The following RAB1A variants were observed in gnomAD, a reference collection of about 807,000 sequenced individuals.
The protein encoded by RAB1A is ras-related protein Rab-1A.
A neutral mutation model predicts 26.0 loss-of-function variants in RAB1A; 2 were observed. The observed-to-expected ratio is 0.08, with a 90% CI of 0.03 to 0.24. The LOEUF is 0.24. Among genes scored for constraint, RAB1A ranks in the 10% least tolerant of loss-of-function variants. RAB1A has a pLI of 1.00. For synonymous variants in RAB1A, 84 were observed against 84.9 expected, an observed-to-expected ratio of 0.99 and a Z score of 0.06; for missense variants, 100 against 247.0, an observed-to-expected ratio of 0.40 and a Z score of 3.99.
At chr2:65,111,009 A>C (rs1391716528) in intron 1 of RAB1A, among the ~76,000 whole-genome samples, 3 of 152,172 alleles carry the variant, frequency 2.0e-5, no homozygotes, top group South Asian at 2.1e-4. Context: ...ATAAATGCTA[A>C]ATTAATGGAT....
At chr2:65,125,544 C>T (rs1372838723) in intron 1 of RAB1A, among the ~76,000 whole-genome samples, 1 of 149,506 alleles carries the variant, frequency 6.7e-6, no homozygotes, top group Non-Finnish European at 1.5e-5. Flanking sequence ...GCCTCAGGTT[C>T]CTGAGTAGCT....
chr2:65,107,118 T>C (rs892139011), intron 1 of RAB1A, among the ~76,000 whole-genome samples: 5 of 151,676 alleles, frequency 3.3e-5, no homozygotes, highest in Non-Finnish European at 7.4e-5. Context: ...CAGGCTGGAG[T>C]GCAGTGAAGC....
intron 1 of RAB1A, among the ~76,000 whole-genome samples, chr2:65,119,671 G>C (rs1340635160): frequency 6.6e-6 from 1 of 151,302 alleles, no homozygotes; most frequent in Non-Finnish European, 1.5e-5. Context: ...AGAAAAGTGT[G>C]ATTCACTGCT....
At chr2:65,105,273 G>A (rs920234420) in intron 1 of RAB1A, 1 of 206,554 alleles carries the variant, frequency 4.8e-6, no homozygotes, top group Non-Finnish European at 9.9e-6. Context: ...GGGAGGCTGA[G>A]GCAGGCAGTT....
At chr2:65,127,869 G>C (rs1045241462) in intron 1 of RAB1A, among the ~76,000 whole-genome samples, 6 of 152,142 alleles carry the variant, frequency 3.9e-5, no homozygotes, top group Admixed American at 3.9e-4. Context: ...GAGTAGCTGG[G>C]ACTACAGGTG....
intron 1 of RAB1A, among the ~76,000 whole-genome samples, chr2:65,114,843 C>G: frequency 7.7e-6 from 1 of 129,058 alleles, no homozygotes; most frequent in Non-Finnish European, 1.6e-5. Context: ...CAGAGCGAGA[C>G]TCCGTCTCAA....
intron 3 of RAB1A, among the ~76,000 whole-genome samples, chr2:65,097,239 A>G (rs751466879): frequency 5.3e-5 from 8 of 152,186 alleles, no homozygotes; most frequent in Non-Finnish European, 1.0e-4. Context: ...GACCACAGAT[A>G]TGCCCACACT....
At chr2:65,104,909 A>G (rs1038901535) in intron 1 of RAB1A, 103 bp from the exon 2 acceptor site, 14 of 961,554 alleles carry the variant, frequency 1.5e-5, no homozygotes, top group African/African-American at 3.2e-5. Context: ...CACTGTGAAG[A>G]CTACATCTCC....
intron 1 of RAB1A, among the ~76,000 whole-genome samples, chr2:65,129,208 A>AAC (rs1038888594): frequency 2.0e-5 from 3 of 151,894 alleles, no homozygotes; most frequent in East Asian, 1.9e-4. Context: ...TAAAAAAAAA[A>AAC]AAAACAAAAT....
intron 3 of RAB1A, among the ~76,000 whole-genome samples, chr2:65,096,310 A>ATCTCAAAAAATAAAAAAAC (rs1669283068): frequency 6.6e-6 from 1 of 152,180 alleles, no homozygotes; most frequent in South Asian, 2.1e-4. Flanking sequence ...GCAATACTGT[A>ATCTCAAAAAATAAAAAAAC]TCTCAAAAAA....
chr2:65,105,540 A>G (rs1669535082), intron 1 of RAB1A: 1 of 148,654 alleles, frequency 6.7e-6, no homozygotes, highest in African/African-American at 2.5e-5. Context: ...AAAAAAAAAA[A>G]TTCCAAGATC....
chr2:65,127,884 C>G (rs1670137516), intron 1 of RAB1A, among the ~76,000 whole-genome samples: 1 of 152,118 alleles, frequency 6.6e-6, no homozygotes, highest in Non-Finnish European at 1.5e-5. Context: ...CAGGTGCCCA[C>G]CACCACGCCC....
chr2:65,089,764 G>A (rs1243734397), intron 4 of RAB1A, among the ~76,000 whole-genome samples: 3 of 149,570 alleles, frequency 2.0e-5, no homozygotes, highest in Non-Finnish European at 4.4e-5. Flanking sequence ...GTGCAATGGC[G>A]CGATCTCGGC....
At chr2:65,094,198 G>C (rs1669233452) in intron 3 of RAB1A, among the ~76,000 whole-genome samples, 1 of 151,890 alleles carries the variant, frequency 6.6e-6, no homozygotes, top group Non-Finnish European at 1.5e-5. Flanking sequence ...TTGAACTCCT[G>C]AACTCAAGAG....
chr2:65,111,190 C>T (rs367563010), intron 1 of RAB1A, among the ~76,000 whole-genome samples: 7 of 151,890 alleles, frequency 4.6e-5, no homozygotes, highest in East Asian at 1.9e-4. Flanking sequence ...GGTGAAACTG[C>T]TTCTCTACTA....
At chr2:65,119,768 G>C (rs1341864984) in intron 1 of RAB1A, among the ~76,000 whole-genome samples, 1 of 131,554 alleles carries the variant, frequency 7.6e-6, no homozygotes, top group Non-Finnish European at 1.5e-5. Flanking sequence ...ACTTTGGGAG[G>C]CTAAGGTAGG....
rs1342046796 is a variant in RAB1A at position 65,088,301 on chromosome 2, A to G, written c.*192T>C. The G allele has an allele frequency of 1.2e-5, 6 of 520,408 alleles. No individual in the cohort carries two copies. Among genetic ancestry groups the G allele is most frequent in the Non-Finnish European group, 1.7e-5 (5 of 297,818 alleles). The allele number at this position is 520,408 out of a possible 1,614,324, so 32.2% of individuals were successfully genotyped here. A position where few individuals can be genotyped will look rare whatever the true frequency, so the allele number is the denominator to read the frequency against. ...ACAAAGGTTTAAAACAGTTCTGAAA[A>G]TGAAGTTAGCTGTCTTGAGTCAAGG... On this transcript the variant is annotated 3_prime_UTR_variant, in exon 6 of 6. Coordinates refer to ENST00000409784, the MANE Select transcript of RAB1A (RefSeq NM_004161.5).
chr2:65,128,305 G>C (rs1427799473), intron 1 of RAB1A, among the ~76,000 whole-genome samples: 1 of 151,880 alleles, frequency 6.6e-6, no homozygotes, highest in African/African-American at 2.4e-5. Context: ...CATATATATA[G>C]CAAATTCAGA....
At chr2:65,099,655 C>T (rs1175800596) in intron 2 of RAB1A, among the ~76,000 whole-genome samples, 1 of 152,210 alleles carries the variant, frequency 6.6e-6, no homozygotes, top group Non-Finnish European at 1.5e-5. Flanking sequence ...GGGACAGGGT[C>T]TTGATGTCTC....
Sources: allele counts gnomAD v4.1 joint callset (sites outside exome capture counted in the v4.1 genomes callset), GRCh38; gene constraint gnomAD v4.1.1; transcripts MANE v1.5; gene names NCBI Gene and HGNC (gene_info 2026-07-23, HGNC 2026-07-21).